PRKCA: variants seen among roughly 807,000 people sequenced by gnomAD.
PRKCA encodes the protein protein kinase C alpha, also known as protein kinase C alpha type.
A neutral mutation model predicts 87.0 loss-of-function variants in PRKCA; 27 were observed. That is an observed-to-expected ratio of 0.31 (90% CI 0.23 to 0.43). PRKCA has a LOEUF of 0.43. Among genes scored for constraint, PRKCA ranks in the 20% least tolerant of loss-of-function variants. PRKCA has a pLI of 1.00. For missense variants in PRKCA, 518 were observed against 852.3 expected, an observed-to-expected ratio of 0.61 and a Z score of 4.88; for synonymous variants, 329 against 311.1, an observed-to-expected ratio of 1.06 and a Z score of -0.61.
chr17:66,446,787 T>A lies in PRKCA; in HGVS notation c.206-49414T>A, dbSNP rs186049621. Among the ~76,000 whole-genome samples, 197 of 152,242 alleles carry A rather than the reference T, an allele frequency of 1.3e-3. 1 individual carries two copies. The highest frequency in any genetic ancestry group is 2.5e-3 in the Non-Finnish European group (168 of 68,010). On this transcript the variant is annotated intron_variant, in intron 2 of 16. Transcript: ENST00000413366. ...ACCCCTGGGCTGCAGTGGAAGAGGATCTTGGGGCCCTAGTGATCCCCTAGA... is the reference window on the plus strand; with the variant it reads ...ACCCCTGGGCTGCAGTGGAAGAGGAACTTGGGGCCCTAGTGATCCCCTAGA...
chr17:66,768,749 G>A (rs969199565), intron 13 of PRKCA, among the ~76,000 whole-genome samples: 2 of 152,122 alleles, frequency 1.3e-5, no homozygotes, highest in Non-Finnish European at 2.9e-5. Flanking sequence ...GGGGAAATCC[G>A]CCCCCATGAG....
chr17:66,706,164 G>T (rs1423645744), intron 8 of PRKCA, among the ~76,000 whole-genome samples: 1 of 152,160 alleles, frequency 6.6e-6, no homozygotes, highest in Non-Finnish European at 1.5e-5. Context: ...TTTGAGAAAT[G>T]CTGGTCAAGA....
intron 2 of PRKCA, among the ~76,000 whole-genome samples, chr17:66,383,334 G>GTA (rs1475019798): frequency 2.0e-5 from 3 of 151,984 alleles, no homozygotes; most frequent in Non-Finnish European, 4.4e-5. Flanking sequence ...CATCAACAAT[G>GTA]TATAGACTTT....
chr17:66,459,015 A>G (rs1914709791), intron 2 of PRKCA, among the ~76,000 whole-genome samples: 1 of 152,090 alleles, frequency 6.6e-6, no homozygotes, highest in South Asian at 2.1e-4. Context: ...TTACCCTGCT[A>G]TGAAGTAATG....
chr17:66,685,837 A>G (rs1248533083), intron 5 of PRKCA, among the ~76,000 whole-genome samples: 1 of 152,206 alleles, frequency 6.6e-6, no homozygotes, highest in Non-Finnish European at 1.5e-5. Flanking sequence ...CTGATAAACT[A>G]TGCTAATTGC....
intron 3 of PRKCA, among the ~76,000 whole-genome samples, chr17:66,558,876 C>T (rs1199795476): frequency 2.0e-5 from 3 of 152,098 alleles, no homozygotes; most frequent in Admixed American, 2.0e-4. Flanking sequence ...CCATGCAGTT[C>T]AGAATGATGA....
intron 13 of PRKCA, among the ~76,000 whole-genome samples, chr17:66,771,758 G>T (rs1178353172): frequency 6.6e-6 from 1 of 152,070 alleles, no homozygotes; most frequent in Non-Finnish European, 1.5e-5. Context: ...ACCATGCCCA[G>T]CTAATTTTTG....
chr17:66,433,810 G>A (rs117729211), intron 2 of PRKCA, among the ~76,000 whole-genome samples: 4,659 of 152,260 alleles, frequency 0.031, 107 homozygotes, highest in Non-Finnish European at 0.048. Context: ...CTCCCAAAGT[G>A]TTGGGATTAT....
chr17:66,365,122 A>G (rs1388893741), intron 2 of PRKCA, among the ~76,000 whole-genome samples: 1 of 152,218 alleles, frequency 6.6e-6, no homozygotes, highest in Non-Finnish European at 1.5e-5. Flanking sequence ...TGCATCTTGA[A>G]GTTCCTAGAA....
intron 8 of PRKCA, among the ~76,000 whole-genome samples, chr17:66,712,564 G>A (rs534991073): frequency 6.6e-6 from 1 of 152,262 alleles, no homozygotes; most frequent in African/African-American, 2.4e-5. Flanking sequence ...CTGGGTTCTT[G>A]CCTGGCTCCT....
chr17:66,368,386 A>ATTTTTT (rs1180540465), intron 2 of PRKCA, among the ~76,000 whole-genome samples: 4 of 25,470 alleles, frequency 1.6e-4, no homozygotes, highest in East Asian at 1.8e-3. Context: ...ATATATATAT[A>ATTTTTT]TTTTTTTTTT....
At chr17:66,413,159 C>G (rs1268759398) in intron 2 of PRKCA, among the ~76,000 whole-genome samples, 3 of 152,182 alleles carry the variant, frequency 2.0e-5, no homozygotes, top group Admixed American at 6.5e-5. Flanking sequence ...GACCTGTGCT[C>G]CTGACTGACT....
chr17:66,459,198 C>T (rs1417211071), intron 2 of PRKCA, among the ~76,000 whole-genome samples: 2 of 146,710 alleles, frequency 1.4e-5, no homozygotes, highest in South Asian at 4.4e-4. Flanking sequence ...TCTGGCAAAT[C>T]CCTGTCTCAA....
rs532272325 is a variant in PRKCA at position 66,427,326 on chromosome 17, C to T, written c.206-68875C>T. The stretch of plus-strand genomic sequence containing the variant: ...GGATCATAGGCATGCACCACCATGC[C>T]TGGCCTCACTTGTTTTTTGTAAATA... On this transcript the variant is annotated intron_variant, in intron 2 of 16. Coordinates refer to ENST00000413366, the MANE Select transcript of PRKCA (RefSeq NM_002737.3). Among the ~76,000 whole-genome samples, 14 of 152,342 alleles carry T rather than the reference C, an allele frequency of 9.2e-5. No homozygotes were observed. The East Asian group carries it at 2.7e-3, about 29-fold the overall frequency.
chr17:66,558,464 A>G (rs1423332645), intron 3 of PRKCA, among the ~76,000 whole-genome samples: 1 of 152,064 alleles, frequency 6.6e-6, no homozygotes, highest in African/African-American at 2.4e-5. Flanking sequence ...AGAGGGGAGC[A>G]AGCCAGGGAG....
At chr17:66,677,381 A>C (rs1244949910) in intron 5 of PRKCA, 1 of 152,232 alleles carries the variant, frequency 6.6e-6, no homozygotes. Flanking sequence ...TGCCTGGCCT[A>C]TTTTTTAAAT....
chr17:66,464,560 C>T (rs1915001184), intron 2 of PRKCA, among the ~76,000 whole-genome samples: 1 of 152,124 alleles, frequency 6.6e-6, no homozygotes, highest in African/African-American at 2.4e-5. Context: ...TGGATTTTGG[C>T]CATTCTAATA....
chr17:66,718,461 C>T (rs7501721), intron 8 of PRKCA, among the ~76,000 whole-genome samples: 20,000 of 152,178 alleles, frequency 0.13, 1,498 homozygotes, highest in East Asian at 0.25. Context: ...TACAGGTGCA[C>T]GCCACTGTGC....
At chr17:66,545,983 A>G (rs1410767287) in intron 3 of PRKCA, among the ~76,000 whole-genome samples, 3 of 152,196 alleles carry the variant, frequency 2.0e-5, no homozygotes, top group African/African-American at 4.8e-5. Context: ...TTTCTTTTAG[A>G]TTAATGTTAC....
Sources: allele counts gnomAD v4.1 joint callset (sites outside exome capture counted in the v4.1 genomes callset), GRCh38; gene constraint gnomAD v4.1.1; transcripts MANE v1.5; gene names NCBI Gene and HGNC (gene_info 2026-07-23, HGNC 2026-07-21).